The following DDX50 variants were observed in gnomAD, a reference collection of about 807,000 sequenced individuals.
The protein encoded by DDX50 is ATP-dependent RNA helicase DDX50.
DDX50 carries 56 observed loss-of-function variants against 94.8 expected under a neutral mutation model. The observed-to-expected ratio is 0.59, with a 90% CI of 0.48 to 0.74. The LOEUF (loss-of-function observed/expected upper bound fraction) is 0.74. Among genes scored for constraint, DDX50 ranks in the 30% least tolerant of loss-of-function variants. The pLI is 0.00. For synonymous variants in DDX50, 264 were observed against 295.4 expected (o/e 0.89, Z 1.09); for missense variants, 713 against 881.2 (o/e 0.81, Z 2.42).
chr10:68,908,320 G>A lies in DDX50; in HGVS notation c.384+1313G>A, dbSNP rs552002564. On this transcript the variant is annotated intron_variant, in intron 2 of 14. Transcript: ENST00000373585. ...AAAAAAATTAGTTGGGTGTGGTGGC[G>A]CATGCCTGTAATCCCAGCTACTTGG... Among the ~76,000 whole-genome samples the A allele has an allele frequency of 5.9e-5, 9 of 151,758 alleles. No individual in the cohort carries two copies. The South Asian group carries it at 1.5e-3, about 25-fold the overall frequency.
chr10:68,913,539 A>G lies in DDX50; in HGVS notation c.906A>G (p.Glu302=), dbSNP rs1328740128. The G allele has an allele frequency of 1.9e-6, 3 of 1,613,882 alleles. No individual in the cohort carries two copies. The change falls in exon 6 of 15, where the codon GAA becomes GAG. Residue 302 remains glutamate (E), a synonymous_variant. Transcript: ENST00000373585. ...AGATGTTAGATTTAGGTTTCGCTGA[A>G]CAAGTTGAAGATATTATTCATGAAT... ...VDQMLDLGFA[E]QVEDIIHESY... is the part of the protein sequence containing the mutation.
At chr10:68,924,232 A>G (rs1269800190) in intron 8 of DDX50, among the ~76,000 whole-genome samples, 1 of 152,016 alleles carries the variant, frequency 6.6e-6, no homozygotes, top group East Asian at 1.9e-4. Context: ...TAGGCCTCCC[A>G]AAGTGCTGGG....
chr10:68,919,557 T>C (rs1841890074), intron 7 of DDX50, among the ~76,000 whole-genome samples: 1 of 152,154 alleles, frequency 6.6e-6, no homozygotes, highest in South Asian at 2.1e-4. Flanking sequence ...TATTCGGCAT[T>C]TTTTTTAAGG....
intron 8 of DDX50, among the ~76,000 whole-genome samples, 169 bp downstream of exon 8, chr10:68,920,150 A>G (rs1324948394): frequency 2.0e-5 from 3 of 152,186 alleles, no homozygotes. Context: ...AAGTCAGGAT[A>G]GAATTTTATC....
intron 8 of DDX50, among the ~76,000 whole-genome samples, chr10:68,926,892 A>C (rs1842106234): frequency 6.6e-6 from 1 of 151,552 alleles, no homozygotes; most frequent in Non-Finnish European, 1.5e-5. Context: ...TCTTAGGACA[A>C]ATTATCAAGT....
chr10:68,925,977 G>A (rs112412999), intron 8 of DDX50, among the ~76,000 whole-genome samples: 9,105 of 145,134 alleles, frequency 0.063, 951 homozygotes, highest in African/African-American at 0.22. Context: ...TCGCGCCATT[G>A]CACTCCATCC....
chr10:68,933,969 A>G (rs955890397), intron 8 of DDX50, among the ~76,000 whole-genome samples: 4 of 152,006 alleles, frequency 2.6e-5, no homozygotes, highest in African/African-American at 9.7e-5. Flanking sequence ...ATATTTACCA[A>G]ACTCTTAGCA....
At chr10:68,911,026 G>A (rs1317744756) in intron 3 of DDX50, 42 bp from the exon 4 acceptor site, 6 of 1,350,368 alleles carry the variant, frequency 4.4e-6, no homozygotes, top group Non-Finnish European at 5.9e-6. Flanking sequence ...TTTTCCTAAT[G>A]CTAGTCGTAA....
chr10:68,934,973 A>G lies in DDX50; in HGVS notation c.1521+55A>G. The G allele has an allele frequency of 6.4e-7, 1 of 1,555,546 alleles. No individual in the cohort carries two copies. Among genetic ancestry groups the G allele is most frequent in the Non-Finnish European group, 8.7e-7 (1 of 1,152,340 alleles). ...TTGTCTAAATGGTGCCTTAAAAGAG[A>G]GCTCTTCTTATATTTATTCTTACAA... is the stretch of plus-strand genomic sequence containing the variant. On this transcript the variant is annotated intron_variant, in intron 10 of 14. Transcript: ENST00000373585. This position sits in a 1 kb window ranked among gnomAD's most constrained non-coding sequence, Gnocchi z 4.0.
chr10:68,934,160 T>G lies in DDX50; in HGVS notation c.1240-39T>G. ...GTTGTTGTGCTATCAGTTGCAAGTA[T>G]GAGCTGTACACTTAATTTTCTCCCC... is the stretch of plus-strand genomic sequence containing the variant. On this transcript the variant is annotated intron_variant, in intron 8 of 14. Coordinates refer to ENST00000373585, the MANE Select transcript of DDX50 (RefSeq NM_024045.2). The surrounding 1 kb of genome is among the most constrained non-coding windows in gnomAD (Gnocchi z 4.0). The G allele has an allele frequency of 5.7e-6, 9 of 1,584,674 alleles. No homozygotes were observed. The highest frequency in any genetic ancestry group is 6.9e-6 in the Non-Finnish European group (8 of 1,166,348).
At chr10:68,946,071 ATG>A (rs1174198235) in intron 14 of DDX50, among the ~76,000 whole-genome samples, 6 of 151,902 alleles carry the variant, frequency 3.9e-5, no homozygotes, top group Non-Finnish European at 8.8e-5. Context: ...TTTATTTAGA[ATG>A]TATATTTAGA....
intron 2 of DDX50, among the ~76,000 whole-genome samples, chr10:68,908,814 G>A (rs1841543974): frequency 6.6e-6 from 1 of 151,490 alleles, no homozygotes; most frequent in South Asian, 2.1e-4. Context: ...GCTAATTTGT[G>A]TATTTTTGGG....
At chr10:68,913,713 C>A in intron 6 of DDX50, 137 bp downstream of exon 6, 1 of 823,252 alleles carries the variant, frequency 1.2e-6, no homozygotes. Flanking sequence ...CTGTTCTGTC[C>A]TTGAAAAAGA....
chr10:68,916,169 C>A (rs910084826), intron 7 of DDX50, among the ~76,000 whole-genome samples: 8 of 151,968 alleles, frequency 5.3e-5, no homozygotes, highest in African/African-American at 1.9e-4. Flanking sequence ...GCCTGGCCAA[C>A]ATAATGAAAC....
chr10:68,910,505 C>T (rs997243365), intron 3 of DDX50, 123 bp downstream of exon 3: 19 of 664,440 alleles, frequency 2.9e-5, no homozygotes, highest in African/African-American at 7.6e-5. Context: ...TGGGTTCAAG[C>T]GATTCTCCTA....
At chr10:68,931,432 A>ACACACACACACAC (rs1261998646) in intron 8 of DDX50, among the ~76,000 whole-genome samples, 11,191 of 59,260 alleles carry the variant, frequency 0.19, 1,827 homozygotes, top group Non-Finnish European at 0.22. Context: ...TATATACACA[A>ACACACACACACAC]ACACACACAC....
In DDX50 at chr10:68,914,048, G is replaced by A. The variant is rs1841713053; in HGVS notation, c.944-11G>A. On this transcript the variant is annotated splice_polypyrimidine_tract_variant and intron_variant, in intron 6 of 14. Coordinates refer to ENST00000373585, the MANE Select transcript of DDX50 (RefSeq NM_024045.2). ...TTAAGAAAACATTTGAATTCTTTTTGTTTATTTAAGATTCTGAAGACAATC... is the reference window on the plus strand; with the variant it reads ...TTAAGAAAACATTTGAATTCTTTTTATTTATTTAAGATTCTGAAGACAATC... 3 of 1,564,362 alleles carry A rather than the reference G, an allele frequency of 1.9e-6. No homozygotes were observed. Among genetic ancestry groups the A allele is most frequent in the Non-Finnish European group, 2.6e-6 (3 of 1,162,644 alleles).
At chr10:68,923,937 CTTTTTTTTTTTTTTT>C (rs56820953) in intron 8 of DDX50, among the ~76,000 whole-genome samples, 33 of 42,412 alleles carry the variant, frequency 7.8e-4, no homozygotes, top group African/African-American at 1.0e-3. Context: ...AGATAGTCTG[CTTTTTTTTTTTTTTT>C]TTTTTTTTTT....
intron 11 of DDX50, among the ~76,000 whole-genome samples, chr10:68,936,550 A>AT (rs1491106282): frequency 3.3e-5 from 4 of 120,594 alleles, no homozygotes; most frequent in African/African-American, 1.2e-4. Flanking sequence ...ATATATATAT[A>AT]AAATGTGGCT....
Sources: gnomAD v4.1 joint callset for allele counts (sites outside exome capture counted in the v4.1 genomes callset) on GRCh38, gnomAD v4.1.1 for gene constraint, Gnocchi (gnomAD v3.1) non-coding constraint, MANE v1.5 for transcripts, NCBI Gene and HGNC (gene_info 2026-07-23, HGNC 2026-07-21) for gene names.